Variants in FGD1 observed in about 807,000 individuals in gnomAD.
FGD1 encodes FYVE, RhoGEF and PH domain containing 1, also known as FYVE, RhoGEF and PH domain-containing protein 1.
Under a neutral mutation model 65.0 loss-of-function variants are expected in FGD1, and 12 were observed. The observed-to-expected ratio is 0.18, with a 90% CI of 0.12 to 0.30. The LOEUF is 0.30. Among genes scored for constraint, FGD1 ranks in the 10% least tolerant of loss-of-function variants. FGD1 has a pLI of 1.00. For missense variants in FGD1, 542 were observed against 837.6 expected, an observed-to-expected ratio of 0.65 and a Z score of 4.36; for synonymous variants, 333 against 343.9, an observed-to-expected ratio of 0.97 and a Z score of 0.35.
intron 12 of FGD1, among the ~76,000 whole-genome samples, chrX:54,454,383 C>T (rs1922446580): frequency 8.9e-6 from 1 of 112,097 alleles, no homozygotes; most frequent in African/African-American, 3.2e-5. Context: ...GGCGTAGTGA[C>T]TCACGCCTGT....
At chrX:54,493,460 A>G (rs1234070248) in intron 1 of FGD1, among the ~76,000 whole-genome samples, 1 of 112,090 alleles carries the variant, frequency 8.9e-6, no homozygotes, top group African/African-American at 3.2e-5. Context: ...GCACACTCAC[A>G]GTCTCTGATG....
rs765842925 is a variant in FGD1, at chrX:54,496,010, C to G, written c.-578G>C. 1.8e-5 allele frequency: 2 copies of G among 112,808 alleles called. No homozygotes were observed. Among genetic ancestry groups the G allele is most frequent in the African/African-American group, 6.4e-5 (2 of 31,119 alleles). 9.3% of individuals were successfully genotyped at this position (112,808 alleles called of 1,213,427 possible). ...GAGAGAACGGCGGTGGCCGGGGGCGCGCGTGTGCGCTGCGCTTGGGCTGCG... is the reference window on the plus strand; with the variant it reads ...GAGAGAACGGCGGTGGCCGGGGGCGGGCGTGTGCGCTGCGCTTGGGCTGCG... On this transcript the variant is annotated 5_prime_UTR_variant, in exon 1 of 18. Transcript: ENST00000375135.
intron 6 of FGD1, among the ~76,000 whole-genome samples, chrX:54,466,334 G>A: frequency 9.4e-6 from 1 of 105,901 alleles, no homozygotes; most frequent in Non-Finnish European, 1.9e-5. Flanking sequence ...AGACTCGTGG[G>A]GAGATATAGG....
intron 1 of FGD1, among the ~76,000 whole-genome samples, chrX:54,487,425 T>G (rs1923304714): frequency 1.8e-5 from 2 of 111,573 alleles, no homozygotes; most frequent in African/African-American, 6.5e-5. Context: ...TTTCCAATCT[T>G]ACGTCCAAAT....
intron 8 of FGD1, among the ~76,000 whole-genome samples, chrX:54,460,689 G>A (rs974115324): frequency 1.1e-4 from 12 of 111,305 alleles, no homozygotes; most frequent in Non-Finnish European, 2.3e-4. Flanking sequence ...TGCAGTGAGC[G>A]GAGATCGCGC....
intron 1 of FGD1, among the ~76,000 whole-genome samples, chrX:54,486,590 A>G (rs1923283539): frequency 9.1e-6 from 1 of 110,481 alleles, no homozygotes; most frequent in African/African-American, 3.3e-5. Flanking sequence ...CATGTTAGCC[A>G]GGCTGGTTTC....
At chrX:54,454,021 C>A (rs1306890529) in intron 12 of FGD1, among the ~76,000 whole-genome samples, 2 of 111,853 alleles carry the variant, frequency 1.8e-5, no homozygotes, top group Non-Finnish European at 3.8e-5. Flanking sequence ...AGCACAAGTA[C>A]AATACATATC....
At chrX:54,491,458 G>T (rs181375317) in intron 1 of FGD1, among the ~76,000 whole-genome samples, 2 of 112,342 alleles carry the variant, frequency 1.8e-5, no homozygotes, top group East Asian at 2.8e-4. Flanking sequence ...CTCCATTTGC[G>T]GTTGGGAGTG....
At chrX:54,487,459 C>G (rs1923305316) in intron 1 of FGD1, among the ~76,000 whole-genome samples, 1 of 112,193 alleles carries the variant, frequency 8.9e-6, no homozygotes, top group African/African-American at 3.2e-5. Flanking sequence ...ATGACACAAA[C>G]AAATGGGAAA....
Position 54,445,971 on chromosome X carries a change from G to A in FGD1, c.*138C>T. Reference sequence around the variant, plus strand: ...TGAAAAGATGAATTAAAAAACCCAAGACCCAGCATTCGGGATTGAAAGTGC... The same window carrying A: ...TGAAAAGATGAATTAAAAAACCCAAAACCCAGCATTCGGGATTGAAAGTGC... On this transcript the variant is annotated 3_prime_UTR_variant, in exon 18 of 18. Transcript: ENST00000375135. The A allele has an allele frequency of 2.1e-6, 1 of 470,109 alleles. No individual in the cohort carries two copies. Among genetic ancestry groups the A allele is most frequent in the Non-Finnish European group, 3.6e-6 (1 of 275,273 alleles). 38.7% of individuals were successfully genotyped at this position (470,109 alleles called of 1,213,427 possible).
At chrX:54,491,457 C>T (rs1431653156) in intron 1 of FGD1, among the ~76,000 whole-genome samples, 2 of 112,187 alleles carry the variant, frequency 1.8e-5, no homozygotes, top group African/African-American at 3.2e-5. Context: ...CCTCCATTTG[C>T]GGTTGGGAGT....
intron 1 of FGD1, among the ~76,000 whole-genome samples, chrX:54,491,465 A>T (rs1923411044): frequency 8.9e-6 from 1 of 111,935 alleles, no homozygotes; most frequent in African/African-American, 3.2e-5. Flanking sequence ...TGCGGTTGGG[A>T]GTGAGTTGAC....
At position 54,447,226 on chromosome X, in the gene FGD1, T is replaced by C. The variant is rs1166215277; in HGVS notation, c.2580+85A>G. On this transcript the variant is annotated intron_variant, in intron 17 of 17. Transcript: ENST00000375135. ...CTCACCTTATCTTCCAAGGCTCACC[T>C]TATCTTCCAAGGCCAAGGAGAGGTC... 5 of 1,064,535 alleles carry C rather than the reference T, an allele frequency of 4.7e-6. No individual in the cohort carries two copies. The Admixed American group carries it at 1.1e-4, about 24-fold the overall frequency. The allele number at this position is 1,064,535 out of a possible 1,213,427, so 87.7% of individuals were successfully genotyped here.
At position 54,495,319 on chromosome X, in the gene FGD1, C is replaced by G; in HGVS notation, c.114G>C (p.Ser38=). ...CCCTGCGCGCCAGCAGTCCGGGTTC[C>G]GAGGCTCCAGGGTCCGAGTCGGCAC... ...PACADSDPGA[S]EPGLLARRGS... is the part of the protein sequence containing the mutation. The change falls in exon 1 of 18, where the codon TCG becomes TCC. Residue 38 remains serine (S), a synonymous_variant. Coordinates refer to ENST00000375135, the MANE Select transcript of FGD1 (RefSeq NM_004463.3). The G allele has an allele frequency of 3.4e-6, 4 of 1,171,136 alleles. No homozygotes were observed. Among genetic ancestry groups the G allele is most frequent in the Non-Finnish European group, 4.6e-6 (4 of 877,256 alleles).
chrX:54,477,827 A>G (rs1317501362), intron 1 of FGD1, among the ~76,000 whole-genome samples: 1 of 111,930 alleles, frequency 8.9e-6, no homozygotes, highest in African/African-American at 3.2e-5. Flanking sequence ...TACTTAAAAA[A>G]TGACTTGTTG....
Position 54,493,499 on chromosome X carries a change from G to C in FGD1, c.307+1627C>G, listed in dbSNP as rs752880599. 1.7e-4 allele frequency among the ~76,000 whole-genome samples: 19 copies of C among 112,069 alleles called. 1 individual carries two copies. The Middle Eastern group carries it at 0.018, about 108-fold the overall frequency. On this transcript the variant is annotated intron_variant, in intron 1 of 17. Transcript: ENST00000375135. ...ACTCACAAGTGGCCCTACCTAAAGT[G>C]GTTAGGGACAGTCTCTTGGAAGAGG...
chrX:54,464,287 C>A (rs1458098198), intron 8 of FGD1, among the ~76,000 whole-genome samples: 1 of 110,286 alleles, frequency 9.1e-6, no homozygotes, highest in Non-Finnish European at 1.9e-5. Flanking sequence ...GTGCCCGCCA[C>A]CACGCCCAGC....
intron 11 of FGD1, 61 bp downstream of exon 11, chrX:54,455,631 T>C: frequency 9.0e-7 from 1 of 1,108,706 alleles, no homozygotes; most frequent in East Asian, 3.1e-5. Context: ...CCAGCATCTT[T>C]GTTCCTCCCA....
At chrX:54,468,949 T>G in intron 4 of FGD1, 73 bp from the exon 5 acceptor site, 4 of 774,957 alleles carry the variant, frequency 5.2e-6, no homozygotes, top group Non-Finnish European at 7.8e-6. Flanking sequence ...CCAGAATTCT[T>G]AAAACAGTTC....
Sources: allele counts gnomAD v4.1 joint callset (sites outside exome capture counted in the v4.1 genomes callset), GRCh38; gene constraint gnomAD v4.1.1; transcripts MANE v1.5; gene names NCBI Gene and HGNC (gene_info 2026-07-23, HGNC 2026-07-21).